AKR1E2: variants seen among roughly 807,000 people sequenced by gnomAD.
The protein encoded by AKR1E2 is aldo-keto reductase family 1 member E2.
Under a neutral mutation model 41.9 loss-of-function variants are expected in AKR1E2, and 43 were observed. The ratio of observed to expected loss-of-function variants is 1.03; its 90% CI spans 0.80 to 1.32. The LOEUF (loss-of-function observed/expected upper bound fraction) is 1.32, where lower values mean the gene tolerates loss of function less well. Among genes scored for constraint, AKR1E2 ranks in the 40% most tolerant of loss-of-function variants. The pLI is 0.00. For synonymous variants in AKR1E2, 121 were observed against 138.9 expected (o/e 0.87, Z 0.91); for missense variants, 423 against 396.5 (o/e 1.07, Z -0.57).
the AKR1E2 span, among the ~76,000 whole-genome samples, chr10:4,867,768 A>G: frequency 6.6e-6 from 1 of 152,182 alleles, no homozygotes; most frequent in East Asian, 1.9e-4. Flanking sequence ...TTGGCCTTCC[A>G]GTGTTTTTCC....
chr10:4,849,686 C>T (rs553511892), downstream of AKR1E2, among the ~76,000 whole-genome samples: 206 of 152,304 alleles, frequency 1.4e-3, no homozygotes, highest in African/African-American at 4.4e-3. Flanking sequence ...TGAGTCTCAG[C>T]GCTCCATTGC....
upstream of AKR1E2, chr10:4,826,061 T>G: frequency 5.2e-6 from 2 of 387,022 alleles, no homozygotes; most frequent in Non-Finnish European, 9.1e-6. Flanking sequence ...CTTCCAGCCA[T>G]TTGGGACTCC....
At chr10:4,841,684 G>T (rs1055816497) in intron 6 of AKR1E2, 101 bp from the exon 7 acceptor site, 2 of 935,422 alleles carry the variant, frequency 2.1e-6, no homozygotes, top group Non-Finnish European at 3.1e-6. Flanking sequence ...GTCATGATCA[G>T]AAAATAAATC....
chr10:4,857,855 TGA>T, the AKR1E2 span, among the ~76,000 whole-genome samples: 3 of 152,134 alleles, frequency 2.0e-5, no homozygotes, highest in Non-Finnish European at 2.9e-5. Context: ...TGATTTCAGT[TGA>T]GTCTTATCAT....
upstream of AKR1E2, among the ~76,000 whole-genome samples, chr10:4,825,722 C>T (rs1240893799): frequency 6.6e-6 from 1 of 152,170 alleles, no homozygotes; most frequent in Non-Finnish European, 1.5e-5. Flanking sequence ...TACAAGAGAG[C>T]GGGGACCCAC....
intron 6 of AKR1E2, 137 bp from the exon 7 acceptor site, chr10:4,841,648 T>C: frequency 1.7e-6 from 1 of 601,518 alleles, no homozygotes; most frequent in East Asian, 3.2e-5. Context: ...TTTTCTGCAT[T>C]TTAAAATTTC....
At chr10:4,862,123 G>A in the AKR1E2 span, among the ~76,000 whole-genome samples, 1 of 152,262 alleles carries the variant, frequency 6.6e-6, no homozygotes, top group African/African-American at 2.4e-5. Context: ...TGTAAGGAAG[G>A]GATCCAGTTT....
chr10:4,860,966 A>G, the AKR1E2 span, among the ~76,000 whole-genome samples: 1 of 152,200 alleles, frequency 6.6e-6, no homozygotes, highest in African/African-American at 2.4e-5. Context: ...CTCTTCATAA[A>G]TCATGGTATG....
At chr10:4,862,769 A>T in the AKR1E2 span, among the ~76,000 whole-genome samples, 20 of 152,314 alleles carry the variant, frequency 1.3e-4, no homozygotes, top group East Asian at 2.3e-3. Context: ...ATGGAGGAAG[A>T]TCTGCCAAGC....
chr10:4,845,628 G>A, intron 8 of AKR1E2: 1 of 430,700 alleles, frequency 2.3e-6, no homozygotes. Context: ...CACCGAGTGA[G>A]CAGCTCAGCA....
In AKR1E2 at chr10:4,828,641, C is replaced by A. The variant is rs566166580; in HGVS notation, c.40-2034C>A. On this transcript the variant is annotated intron_variant, in intron 1 of 9. Coordinates refer to ENST00000298375, the MANE Select transcript of AKR1E2 (RefSeq NM_001040177.3). The stretch of plus-strand genomic sequence containing the variant: ...ATTGGAACTACATTAAATCTGTAGA[C>A]CAGCTTGGAGATAATTGACACCTTT... Among the ~76,000 whole-genome samples the A allele has an allele frequency of 1.2e-4, 19 of 152,264 alleles. No individual in the cohort carries two copies. The South Asian group carries it at 3.9e-3, about 32-fold the overall frequency.
the AKR1E2 span, among the ~76,000 whole-genome samples, chr10:4,863,352 G>A: frequency 6.6e-6 from 1 of 152,188 alleles, no homozygotes; most frequent in African/African-American, 2.4e-5. Context: ...ACCTGCTCCT[G>A]AATGACTACT....
chr10:4,865,497 A>G, the AKR1E2 span, among the ~76,000 whole-genome samples: 1 of 152,222 alleles, frequency 6.6e-6, no homozygotes, highest in Non-Finnish European at 1.5e-5. Flanking sequence ...TGAACAGGTA[A>G]TTTTCAGAAG....
chr10:4,863,650 C>CA, the AKR1E2 span, among the ~76,000 whole-genome samples: 17 of 117,454 alleles, frequency 1.4e-4, no homozygotes, highest in East Asian at 2.8e-3. Context: ...AAAAACCCTT[C>CA]AAAAAATCAA....
chr10:4,845,743 T>C (rs17133753), intron 8 of AKR1E2: 17,190 of 471,082 alleles, frequency 0.036, 456 homozygotes, highest in East Asian at 0.12. Flanking sequence ...ACGGGGACCT[T>C]GGGCCCAGCT....
the AKR1E2 span, among the ~76,000 whole-genome samples, chr10:4,856,780 T>C: frequency 1.3e-5 from 2 of 152,342 alleles, no homozygotes; most frequent in East Asian, 3.9e-4. Context: ...TTGTCAATTA[T>C]GTTTTTGACT....
At chr10:4,869,227 G>A in the AKR1E2 span, among the ~76,000 whole-genome samples, 2 of 152,146 alleles carry the variant, frequency 1.3e-5, no homozygotes, top group African/African-American at 4.8e-5. Context: ...CTATTCAAAT[G>A]ATCTATTTTA....
chr10:4,843,322 T>C (rs1228280646), intron 8 of AKR1E2, among the ~76,000 whole-genome samples: 2 of 152,142 alleles, frequency 1.3e-5, no homozygotes, highest in African/African-American at 4.8e-5. Flanking sequence ...AGTGAAGGGA[T>C]AGCATAGTGC....
At chr10:4,868,244 G>A in the AKR1E2 span, among the ~76,000 whole-genome samples, 1 of 152,056 alleles carries the variant, frequency 6.6e-6, no homozygotes, top group African/African-American at 2.4e-5. Context: ...AGCTGATCCT[G>A]ACTGGATGAC....
Sources: allele counts gnomAD v4.1 joint callset (sites outside exome capture counted in the v4.1 genomes callset), GRCh38; gene constraint gnomAD v4.1.1; transcripts MANE v1.5; gene names NCBI Gene and HGNC (gene_info 2026-07-23, HGNC 2026-07-21).